ATF7IP: variants seen among roughly 807,000 people sequenced by gnomAD.
ATF7IP encodes the protein activating transcription factor 7-interacting protein 1.
In ATF7IP, 23 loss-of-function variants were observed where a neutral mutation model predicts 106.4. That is an observed-to-expected ratio of 0.22 (90% confidence interval 0.16 to 0.31). ATF7IP has a LOEUF of 0.31. Among genes scored for constraint, ATF7IP ranks in the 10% least tolerant of loss-of-function variants. The pLI is 1.00. For synonymous variants in ATF7IP, 542 were observed against 539.0 expected, an observed-to-expected ratio of 1.01 and a Z score of -0.08; for missense variants, 1,334 against 1,524.3, an observed-to-expected ratio of 0.88 and a Z score of 2.08.
chr12:14,463,045 T>C (rs1379638204), intron 9 of ATF7IP, among the ~76,000 whole-genome samples: 1 of 152,064 alleles, frequency 6.6e-6, no homozygotes, highest in Non-Finnish European at 1.5e-5. Context: ...ATATGTTATT[T>C]GATCAGGTAT....
rs754738947 is a variant in ATF7IP at position 14,498,020 on chromosome 12, C to G, written c.3760C>G (p.Pro1254Ala). ...CAAGGATATTTATGGACGTTTTGGG[C>G]CTTTCTGTGATCCTCAGTCAACAGA... ...RAKDIYGRFG[P>A]FCDPQSTDVI... The change falls in exon 15 of 15, where the codon CCT (proline) becomes GCT (alanine). Residue 1254 changes from proline to alanine, a missense_variant. Pro to Ala is a conservative substitution (Grantham distance 27). Transcript: ENST00000261168. 1.2e-6 allele frequency: 2 copies of G among 1,612,972 alleles called. No homozygotes were observed. Among genetic ancestry groups the G allele is most frequent in the Admixed American group, 3.3e-5 (2 of 60,000 alleles).
chr12:14,485,473 G>A (rs187719588), intron 13 of ATF7IP, among the ~76,000 whole-genome samples: 344 of 152,252 alleles, frequency 2.3e-3, no homozygotes, highest in African/African-American at 7.5e-3. Flanking sequence ...TGTCTCATCA[G>A]TAAGTTCAGT....
intron 1 of ATF7IP, among the ~76,000 whole-genome samples, chr12:14,377,995 ATAAAAAG>A (rs1204089311): frequency 1.3e-5 from 2 of 152,182 alleles, no homozygotes; most frequent in Non-Finnish European, 2.9e-5. Flanking sequence ...AAACTGAGTC[ATAAAAAG>A]TAAAAAGATT....
chr12:14,439,746 T>C (rs1942603114), intron 5 of ATF7IP, among the ~76,000 whole-genome samples: 1 of 152,124 alleles, frequency 6.6e-6, no homozygotes. Flanking sequence ...GGCATGAGAA[T>C]TGCTTGAACC....
chr12:14,376,903 G>C (rs898412678), intron 1 of ATF7IP, among the ~76,000 whole-genome samples: 2 of 152,060 alleles, frequency 1.3e-5, no homozygotes, highest in African/African-American at 2.4e-5. Context: ...TCCAGCGTGG[G>C]TGACAGAACA....
chr12:14,501,824 T>C lies in ATF7IP; in HGVS notation c.*3751T>C, dbSNP rs1945167187. The C allele has an allele frequency of 6.6e-6, 1 of 152,218 alleles. No individual in the cohort carries two copies. Among genetic ancestry groups the C allele is most frequent in the South Asian group, 2.1e-4 (1 of 4,832 alleles). 9.4% of individuals were successfully genotyped at this position (152,218 alleles called of 1,614,324 possible). On this transcript the variant is annotated 3_prime_UTR_variant, in exon 15 of 15. Coordinates refer to ENST00000261168, the MANE Select transcript of ATF7IP (RefSeq NM_018179.5). ...CAATTCCCTTACTGCACTGGGTAAG[T>C]GTTAACTTAGTTTTTGTTGTTTGCT...
rs766535846 is a variant in ATF7IP at position 14,460,926 on chromosome 12, G to T, written c.2590G>T (p.Ala864Ser). Residue 864 changes from alanine (A) to serine (S), a missense_variant, in exon 9 of 15, where the codon GCA (alanine) becomes TCA (serine). Transcript: ENST00000261168. The stretch of plus-strand genomic sequence containing the variant: ...TCAAAGGAACCCTACTGCCAGTGCT[G>T]CACCATTGGGAACAACACTTGCTGT... ...SIQRNPTASA[A>S]PLGTTLAVQA... 4 of 1,614,004 alleles carry T rather than the reference G, an allele frequency of 2.5e-6. No individual in the cohort carries two copies. The highest frequency in any genetic ancestry group is 1.7e-5 in the Admixed American group (1 of 59,984).
At chr12:14,438,040 G>A (rs1386064396) in intron 4 of ATF7IP, 90 bp from the exon 5 acceptor site, 38 of 1,297,162 alleles carry the variant, frequency 2.9e-5, no homozygotes, top group Admixed American at 4.6e-5. Context: ...GCGACAGAGC[G>A]AGACTCTGTC....
At chr12:14,370,387 T>C (rs1337427456) in intron 1 of ATF7IP, among the ~76,000 whole-genome samples, 1 of 152,186 alleles carries the variant, frequency 6.6e-6, no homozygotes, top group African/African-American at 2.4e-5. Context: ...TGTAGGACGG[T>C]ACACAATTTA....
At chr12:14,486,668 C>A (rs540856522) in intron 13 of ATF7IP, among the ~76,000 whole-genome samples, 49 of 152,326 alleles carry the variant, frequency 3.2e-4, no homozygotes, top group African/African-American at 1.2e-3. Context: ...TGCTAGAGCT[C>A]TATACAAGTC....
chr12:14,465,098 C>T (rs1943780020), intron 9 of ATF7IP, among the ~76,000 whole-genome samples: 1 of 152,044 alleles, frequency 6.6e-6, no homozygotes, highest in South Asian at 2.1e-4. Flanking sequence ...CACTGGTAGT[C>T]CCAGCTACTC....
At chr12:14,445,011 A>C (rs752850642) in intron 5 of ATF7IP, among the ~76,000 whole-genome samples, 60 of 115,644 alleles carry the variant, frequency 5.2e-4, no homozygotes, top group Non-Finnish European at 4.7e-4. Context: ...TTTTTTTTTG[A>C]GACAGAGTCT....
In ATF7IP at chr12:14,434,385, A is replaced by C; in HGVS notation, c.1607A>C (p.Gln536Pro). 1 of 1,594,170 alleles carries C rather than the reference A, an allele frequency of 6.3e-7. No individual in the cohort carries two copies. Among genetic ancestry groups the C allele is most frequent in the Non-Finnish European group, 8.6e-7 (1 of 1,164,184 alleles). ...GACAACAAACCTGAGGAAGAAGAGCAAGTAATACATGAAGATGATGAAAGA... is the reference window on the plus strand; with the variant it reads ...GACAACAAACCTGAGGAAGAAGAGCCAGTAATACATGAAGATGATGAAAGA... ...EKDNKPEEEE[Q>P]VIHEDDERPS... Residue 536 changes from glutamine (Q) to proline (P), a missense_variant, in exon 3 of 15, where the codon CAA becomes CCA. Physicochemically the swap from Gln to Pro is moderately conservative, Grantham distance 76. Around this residue, in one of 10 missense-constraint regions of ATF7IP, gnomAD observed 119 missense variants for 117.8 expected, o/e 1.01. Transcript: ENST00000261168.
chr12:14,437,962 A>G (rs1298035499), intron 4 of ATF7IP, among the ~76,000 whole-genome samples, 168 bp from the exon 5 acceptor site: 1 of 152,020 alleles, frequency 6.6e-6, no homozygotes, highest in Non-Finnish European at 1.5e-5. Flanking sequence ...CTGAGGCAGG[A>G]GAATGGCGTG....
At chr12:14,428,932 A>G (rs1430404737) in intron 2 of ATF7IP, among the ~76,000 whole-genome samples, 6 of 151,924 alleles carry the variant, frequency 3.9e-5, no homozygotes, top group African/African-American at 1.4e-4. Context: ...ACTAATACTC[A>G]CTAATTATTA....
intron 9 of ATF7IP, among the ~76,000 whole-genome samples, chr12:14,461,523 C>T (rs1470814304): frequency 1.3e-5 from 2 of 152,076 alleles, no homozygotes; most frequent in African/African-American, 2.4e-5. Flanking sequence ...CGTTTATGTT[C>T]CTTACCCATT....
chr12:14,387,077 A>T (rs1254052109), intron 1 of ATF7IP, among the ~76,000 whole-genome samples: 1 of 152,154 alleles, frequency 6.6e-6, no homozygotes, highest in Non-Finnish European at 1.5e-5. Context: ...TTTCATCAAC[A>T]GCTTTAGCAT....
At chr12:14,407,060 G>T (rs1940633258) in intron 1 of ATF7IP, among the ~76,000 whole-genome samples, 1 of 152,088 alleles carries the variant, frequency 6.6e-6, no homozygotes, top group Non-Finnish European at 1.5e-5. Flanking sequence ...TAAAGGCATT[G>T]TTTCTAATCT....
intron 5 of ATF7IP, among the ~76,000 whole-genome samples, chr12:14,444,917 A>G (rs903522290): frequency 2.0e-5 from 3 of 151,276 alleles, no homozygotes; most frequent in Non-Finnish European, 2.9e-5. Flanking sequence ...ATACAAGATG[A>G]TTTTGGGGGG....
Sources: gnomAD v4.1 joint callset for allele counts (sites outside exome capture counted in the v4.1 genomes callset) on GRCh38, gnomAD v4.1.1 for gene constraint, gnomAD v4.1.1 regional missense constraint, MANE v1.5 for transcripts, NCBI Gene and HGNC (gene_info 2026-07-23, HGNC 2026-07-21) for gene names.